Variants in ZNF69 observed in about 807,000 individuals in gnomAD.
ZNF69 encodes zinc finger protein 69, also known as ZNF3.
In ZNF69, 47 loss-of-function variants were observed where a neutral mutation model predicts 50.9. The observed-to-expected ratio is 0.92, with a 90% CI of 0.73 to 1.18. ZNF69 has a LOEUF of 1.18. Among genes scored for constraint, ZNF69 ranks in the 50% most tolerant of loss-of-function variants. ZNF69 has a pLI of 0.00. For missense variants in ZNF69, 717 were observed against 675.1 expected (o/e 1.06, Z -0.69); for synonymous variants, 216 against 223.1 (o/e 0.97, Z 0.29).
At chr19:11,904,560 A>T in intron 3 of ZNF69, 89 bp from the exon 4 acceptor site, 1 of 1,502,688 alleles carries the variant, frequency 6.7e-7, no homozygotes, top group East Asian at 2.3e-5. Flanking sequence ...TTTGATGGAC[A>T]GTGTTAAAAA....
intron 1 of ZNF69, among the ~76,000 whole-genome samples, chr19:11,890,889 G>A (rs994364908): frequency 3.3e-5 from 5 of 152,162 alleles, no homozygotes; most frequent in Non-Finnish European, 5.9e-5. Context: ...TTGCCAGCCC[G>A]AAATAATTCA....
At chr19:11,977,103 T>A in the ZNF69 span, 7 of 1,614,142 alleles carry the variant, frequency 4.3e-6, no homozygotes, top group Middle Eastern at 4.9e-4. Flanking sequence ...TGCTGGATAT[T>A]TCGCAGAGGA....
chr19:11,949,067 G>T, the ZNF69 span: 1 of 1,609,562 alleles, frequency 6.2e-7, no homozygotes, highest in South Asian at 1.1e-5. Flanking sequence ...TATCTTATAA[G>T]TTTTCAAACA....
At chr19:11,924,935 C>T in the ZNF69 span, 1 of 398,990 alleles carries the variant, frequency 2.5e-6, no homozygotes, top group Admixed American at 3.9e-5. Context: ...GAAAGCAGCT[C>T]GCCCTTAGAG....
the ZNF69 span, among the ~76,000 whole-genome samples, chr19:11,937,007 G>T: frequency 6.6e-6 from 1 of 152,140 alleles, no homozygotes; most frequent in Non-Finnish European, 1.5e-5. Flanking sequence ...TATATGTGTG[G>T]TGTTATTTCT....
At chr19:11,918,865 C>T (rs1972542972), downstream of ZNF69, among the ~76,000 whole-genome samples, 2 of 151,096 alleles carry the variant, frequency 1.3e-5, no homozygotes, top group South Asian at 4.2e-4. Flanking sequence ...TTTTCATTTT[C>T]TGTTTTCCAT....
chr19:11,937,393 G>A, the ZNF69 span, among the ~76,000 whole-genome samples: 1 of 151,948 alleles, frequency 6.6e-6, no homozygotes, highest in African/African-American at 2.4e-5. Context: ...GCCCAGGCTG[G>A]TCTCGAACTG....
intron 1 of ZNF69, among the ~76,000 whole-genome samples, chr19:11,902,727 A>C (rs978588929): frequency 6.6e-6 from 1 of 151,290 alleles, no homozygotes; most frequent in Non-Finnish European, 1.5e-5. Flanking sequence ...GCTTCCTCTG[A>C]CAATATCATC....
the ZNF69 span, among the ~76,000 whole-genome samples, chr19:11,955,833 T>G: frequency 6.6e-6 from 1 of 152,228 alleles, no homozygotes; most frequent in African/African-American, 2.4e-5. Context: ...AAGACCTGGC[T>G]GGCAACTGTT....
Position 11,889,257 on chromosome 19 carries a change from C to T in ZNF69, c.63+1271C>T, listed in dbSNP as rs147324150. Among the ~76,000 whole-genome samples, 18 of 152,278 alleles carry T rather than the reference C, an allele frequency of 1.2e-4. No homozygotes were observed. The East Asian group carries it at 2.7e-3, about 23-fold the overall frequency. ...GGTCTTGTTTGTAATTTGGTATCTT[C>T]TTGCCACAAGGAGTCTGTTTTTCCA... is the stretch of plus-strand genomic sequence containing the variant. On this transcript the variant is annotated intron_variant, in intron 1 of 3. Coordinates refer to ENST00000429654, the MANE Select transcript of ZNF69 (RefSeq NM_001364730.1).
the ZNF69 span, chr19:11,979,230 T>C: frequency 1.9e-6 from 3 of 1,611,946 alleles, no homozygotes; most frequent in South Asian, 1.1e-5. Context: ...ATCTTTCCAG[T>C]TCCTTTCAGT....
At chr19:11,936,549 T>C in the ZNF69 span, among the ~76,000 whole-genome samples, 10 of 152,372 alleles carry the variant, frequency 6.6e-5, no homozygotes, top group African/African-American at 2.4e-4. Context: ...GTTTTTTTCT[T>C]GTAAGTTTGT....
chr19:11,904,372 C>A (rs922279048), intron 3 of ZNF69, among the ~76,000 whole-genome samples: 2 of 152,044 alleles, frequency 1.3e-5, no homozygotes, highest in Non-Finnish European at 2.9e-5. Context: ...AGGACGAGAC[C>A]CCTAAATAAA....
intron 1 of ZNF69, 139 bp downstream of exon 1, chr19:11,888,125 C>T (rs1487228770): frequency 5.8e-6 from 4 of 688,840 alleles, no homozygotes; most frequent in Non-Finnish European, 4.8e-6. Context: ...GCTCGGCCCT[C>T]GGTCCCCTCG....
chr19:11,946,728 C>T, the ZNF69 span: 1 of 154,228 alleles, frequency 6.5e-6, no homozygotes, highest in Admixed American at 6.5e-5. Context: ...CATAGTCTCC[C>T]TTAAATCCCT....
intron 1 of ZNF69, among the ~76,000 whole-genome samples, chr19:11,893,986 AGTGG>A (rs1977160496): frequency 6.6e-6 from 1 of 152,200 alleles, no homozygotes; most frequent in Admixed American, 6.5e-5. Flanking sequence ...ACTCCAACAT[AGTGG>A]AGCAATTGCC....
At chr19:11,918,009 CTCCTGACCTCAGGTGA>C (rs1271138508), downstream of ZNF69, among the ~76,000 whole-genome samples, 10 of 152,248 alleles carry the variant, frequency 6.6e-5, no homozygotes, top group East Asian at 1.2e-3. Context: ...TGGTCTCGAA[CTCCTGACCTCAGGTGA>C]TCCACCCGCC....
At chr19:11,961,472 A>C in the ZNF69 span, among the ~76,000 whole-genome samples, 3 of 152,206 alleles carry the variant, frequency 2.0e-5, no homozygotes, top group African/African-American at 7.2e-5. Context: ...ATATACTGTC[A>C]TACAAGTGCT....
At chr19:11,979,026 T>A in the ZNF69 span, 1 of 1,614,206 alleles carries the variant, frequency 6.2e-7, no homozygotes. Flanking sequence ...GAAAAAACCT[T>A]ATGAATGTAA....
Sources: gnomAD v4.1 joint callset for allele counts (sites outside exome capture counted in the v4.1 genomes callset) on GRCh38, gnomAD v4.1.1 for gene constraint, MANE v1.5 for transcripts, NCBI Gene and HGNC (gene_info 2026-07-23, HGNC 2026-07-21) for gene names.